ZNF735: variants seen among roughly 807,000 people sequenced by gnomAD.
ZNF735 encodes putative zinc finger protein 735.
A neutral mutation model predicts 13.4 loss-of-function variants in ZNF735; 11 were observed. That is an observed-to-expected ratio of 0.82 (90% CI 0.52 to 1.36). ZNF735 has a LOEUF of 1.36. Ranked by LOEUF, ZNF735 falls within the 40% of genes most tolerant of loss-of-function variation. ZNF735 has a pLI of 0.00. For synonymous variants in ZNF735, 171 were observed against 162.6 expected, an observed-to-expected ratio of 1.05 and a Z score of -0.39; for missense variants, 500 against 484.6, an observed-to-expected ratio of 1.03 and a Z score of -0.30.
intron 3 of ZNF735, among the ~76,000 whole-genome samples, chr7:64,216,120 C>A (rs1191812203): frequency 6.6e-6 from 1 of 151,892 alleles, no homozygotes; most frequent in African/African-American, 2.4e-5. Flanking sequence ...AAGGTGAAAA[C>A]CCGTCTCTAC....
At chr7:64,214,437 C>A (rs1787395850) in intron 3 of ZNF735, among the ~76,000 whole-genome samples, 1 of 151,970 alleles carries the variant, frequency 6.6e-6, no homozygotes, top group South Asian at 2.1e-4. Context: ...ACACTAATAT[C>A]TGCATATTTT....
exon 4 of ZNF735, chr7:64,219,345 G>A: frequency 6.2e-7 from 1 of 1,613,510 alleles, no homozygotes; most frequent in Non-Finnish European, 8.5e-7. Flanking sequence ...AAGACCTTCA[G>A]CCAGAGCAGA....
At chr7:64,212,722 C>T (rs570452276) in intron 1 of ZNF735, among the ~76,000 whole-genome samples, 21 of 150,218 alleles carry the variant, frequency 1.4e-4, no homozygotes, top group African/African-American at 4.2e-4. Context: ...GAACCCGAGG[C>T]GGAGGTTGCA....
intron 1 of ZNF735, among the ~76,000 whole-genome samples, chr7:64,210,105 G>T (rs575148187): frequency 6.6e-6 from 1 of 152,102 alleles, no homozygotes; most frequent in Non-Finnish European, 1.5e-5. Context: ...AGCTCCCAGG[G>T]TGCTATGAAA....
chr7:64,219,489 C>T lies in ZNF735; in HGVS notation c.438C>T (p.Asn146=), dbSNP rs578173647. 1.6e-5 allele frequency: 25 copies of T among 1,612,606 alleles called. No homozygotes were observed. In the African/African-American group the frequency reaches 1.7e-4, roughly 11 times the overall value. ...ACAAAGGAGGTTATAATGACCTTAA[C>T]CAATGTTTGTCAAATACCCAAAACA... The change falls in exon 4 of 4, where the codon AAC becomes AAT. Residue 146 remains asparagine (N), a synonymous_variant. Transcript: ENST00000429565.
chr7:64,207,507 C>A (rs1359922194), intron 1 of ZNF735, among the ~76,000 whole-genome samples: 1 of 152,172 alleles, frequency 6.6e-6, no homozygotes, highest in African/African-American at 2.4e-5. Flanking sequence ...GCACTCCCAG[C>A]GCCTCATCTC....
chr7:64,212,975 C>A (rs1443001190), intron 1 of ZNF735, 117 bp from the exon 2 acceptor site: 3 of 1,105,652 alleles, frequency 2.7e-6, no homozygotes, highest in Non-Finnish European at 3.9e-6. Context: ...TTCAGTCACT[C>A]TTGTAAGTGA....
At chr7:64,217,318 C>T (rs1286166386) in intron 3 of ZNF735, among the ~76,000 whole-genome samples, 3 of 152,188 alleles carry the variant, frequency 2.0e-5, no homozygotes, top group Admixed American at 6.5e-5. Flanking sequence ...GAAACAGATG[C>T]TGGCATATAC....
chr7:64,212,119 A>T (rs1370491514), intron 1 of ZNF735, among the ~76,000 whole-genome samples: 1 of 152,076 alleles, frequency 6.6e-6, no homozygotes, highest in South Asian at 2.1e-4. Flanking sequence ...CACTTAGGAG[A>T]TTTACTAGCC....
chr7:64,207,777 A>G (rs908442675), intron 1 of ZNF735, among the ~76,000 whole-genome samples: 1 of 152,158 alleles, frequency 6.6e-6, no homozygotes, highest in Non-Finnish European at 1.5e-5. Context: ...TCACGAGGTC[A>G]GGTGTTCGAG....
At chr7:64,215,503 G>C (rs1389714472) in intron 3 of ZNF735, among the ~76,000 whole-genome samples, 1 of 151,318 alleles carries the variant, frequency 6.6e-6, no homozygotes, top group Non-Finnish European at 1.5e-5. Context: ...TCTATTAAAT[G>C]TTTTATTTGA....
Position 64,217,812 on chromosome 7 carries a change from T to TA in ZNF735, c.263-1493dup, listed in dbSNP as rs888985153. Among the ~76,000 whole-genome samples the TA allele has an allele frequency of 1.3e-4, 19 of 151,226 alleles. No individual in the cohort carries two copies. In the East Asian group the frequency reaches 2.1e-3, roughly 17 times the overall value. ...GTTACAATAGTATATTTTACATTGG[T>TA]AAAAAAAAATGACTTCAGTTGCATA... is the stretch of plus-strand genomic sequence containing the variant. On this transcript the variant is annotated intron_variant, in intron 3 of 3. Transcript: ENST00000429565.
At chr7:64,219,586 T>C (rs754045224) in exon 4 of ZNF735, 2 of 1,577,752 alleles carry the variant, frequency 1.3e-6, no homozygotes, top group Middle Eastern at 1.7e-4. Flanking sequence ...CAATGCAAGA[T>C]ATACTGGAAA....
chr7:64,208,353 T>TTCAAATGATTGTCCTGCC (rs2116475316), intron 1 of ZNF735, among the ~76,000 whole-genome samples: 1 of 146,010 alleles, frequency 6.8e-6, no homozygotes, highest in East Asian at 2.1e-4. Context: ...TGCCTCCTGG[T>TTCAAATGATTGTCCTGCC]TCAAATGATT....
chr7:64,214,036 T>G (rs766764586), exon 3 of ZNF735: 2 of 1,599,448 alleles, frequency 1.3e-6, no homozygotes, highest in South Asian at 2.2e-5. Context: ...TAAGCCAGAC[T>G]TGATCGCCTG....
At chr7:64,208,384 G>A (rs1787317911) in intron 1 of ZNF735, among the ~76,000 whole-genome samples, 1 of 148,534 alleles carries the variant, frequency 6.7e-6, no homozygotes, top group Non-Finnish European at 1.5e-5. Context: ...AGCCTCCCGA[G>A]TAGCTGGAAT....
chr7:64,217,236 C>G (rs1787433163), intron 3 of ZNF735, among the ~76,000 whole-genome samples: 1 of 152,206 alleles, frequency 6.6e-6, no homozygotes, highest in Non-Finnish European at 1.5e-5. Flanking sequence ...CTCGCATCAT[C>G]TTTCACCATG....
chr7:64,216,371 G>T (rs1047618440), intron 3 of ZNF735, among the ~76,000 whole-genome samples: 1 of 151,802 alleles, frequency 6.6e-6, no homozygotes, highest in Non-Finnish European at 1.5e-5. Flanking sequence ...TATTAAATTT[G>T]TTCACCACTG....
At chr7:64,213,140 T>A (rs1562832461) in exon 2 of ZNF735, 1 of 1,612,612 alleles carries the variant, frequency 6.2e-7, no homozygotes, top group East Asian at 2.2e-5. Flanking sequence ...TCTGGCGGAG[T>A]GGCAATGCCT....
Sources: allele counts gnomAD v4.1 joint callset (sites outside exome capture counted in the v4.1 genomes callset), GRCh38; gene constraint gnomAD v4.1.1; transcripts MANE v1.5; gene names NCBI Gene and HGNC (gene_info 2026-07-23, HGNC 2026-07-21).